The following TMEM232 variants were observed in gnomAD, a reference collection of about 807,000 sequenced individuals.
The protein encoded by TMEM232 is transmembrane protein 232.
A neutral mutation model predicts 78.8 loss-of-function variants in TMEM232; 80 were observed. That is an observed-to-expected ratio of 1.01 (90% CI 0.85 to 1.22). The LOEUF is 1.22. Ranked by LOEUF, TMEM232 falls within the 50% of genes most tolerant of loss-of-function variation. The pLI, the probability that TMEM232 is intolerant of heterozygous loss-of-function variation, is 0.00. For synonymous variants in TMEM232, 297 were observed against 254.3 expected, an observed-to-expected ratio of 1.17 and a Z score of -1.60; for missense variants, 881 against 742.2, an observed-to-expected ratio of 1.19 and a Z score of -2.17.
chr5:110,583,775 AACTC>A (rs1444185916), intron 10 of TMEM232, among the ~76,000 whole-genome samples: 3 of 151,760 alleles, frequency 2.0e-5, no homozygotes, highest in Non-Finnish European at 4.4e-5. Flanking sequence ...AAACTCTTAA[AACTC>A]AATAGTAAAA....
intron 12 of TMEM232, among the ~76,000 whole-genome samples, 195 bp downstream of exon 12, chr5:110,528,393 T>C (rs1166777868): frequency 6.6e-6 from 1 of 151,854 alleles, no homozygotes; most frequent in African/African-American, 2.4e-5. Flanking sequence ...ATAATACCTA[T>C]TATAAATATG....
chr5:110,684,688 T>C (rs936536615), intron 1 of TMEM232: 5 of 152,122 alleles, frequency 3.3e-5, no homozygotes, highest in African/African-American at 1.2e-4. Flanking sequence ...GCAATATAAT[T>C]ACTATGCTTG....
chr5:110,492,550 C>T (rs575113194), intron 12 of TMEM232, among the ~76,000 whole-genome samples: 50 of 151,884 alleles, frequency 3.3e-4, no homozygotes, highest in African/African-American at 1.1e-3. Flanking sequence ...TCACATCTAC[C>T]AAAATACTAC....
chr5:110,541,833 G>T (rs1561659084), intron 11 of TMEM232, among the ~76,000 whole-genome samples: 1 of 152,086 alleles, frequency 6.6e-6, no homozygotes, highest in Non-Finnish European at 1.5e-5. Flanking sequence ...AAAATACCTA[G>T]TTAACCTAGG....
At chr5:110,461,762 G>A (rs1167701829) in intron 12 of TMEM232, among the ~76,000 whole-genome samples, 2 of 152,136 alleles carry the variant, frequency 1.3e-5, no homozygotes, top group African/African-American at 4.8e-5. Context: ...TAGGGCCCTT[G>A]AGAATTATGC....
chr5:110,628,485 A>G (rs1024938285), intron 5 of TMEM232, among the ~76,000 whole-genome samples: 2 of 152,114 alleles, frequency 1.3e-5, no homozygotes, highest in Non-Finnish European at 2.9e-5. Flanking sequence ...TTACTTCTGT[A>G]AGATTAGTAA....
At chr5:110,643,482 A>C (rs1386403622) in intron 2 of TMEM232, among the ~76,000 whole-genome samples, 1 of 152,098 alleles carries the variant, frequency 6.6e-6, no homozygotes, top group Non-Finnish European at 1.5e-5. Flanking sequence ...ATAAGTTGAA[A>C]GTGTATGCAA....
At position 110,701,814 on chromosome 5, in the gene TMEM232, T is replaced by C. The variant is rs545042671; in HGVS notation, c.-13+24813A>G. Among the ~76,000 whole-genome samples, 45 of 152,164 alleles carry C rather than the reference T, an allele frequency of 3.0e-4. 1 individual carries two copies. The highest frequency in any genetic ancestry group is 7.9e-4 in the Admixed American group (12 of 15,232). On this transcript the variant is annotated intron_variant, in intron 1 of 13. Coordinates refer to ENST00000455884, the MANE Select transcript of TMEM232 (RefSeq NM_001039763.4). ...TAAGTATATGGATGATCCCTTGTTA[T>C]GCTCCACAAATCTGCTATATTGTAA...
At chr5:110,730,677 T>C (rs974213008), upstream of TMEM232, among the ~76,000 whole-genome samples, 30 of 152,180 alleles carry the variant, frequency 2.0e-4, no homozygotes, top group Non-Finnish European at 5.9e-5. Flanking sequence ...CCATTAGATC[T>C]TGTGAGACTT....
chr5:110,528,745 C>T lies in TMEM232; in HGVS notation c.1546G>A (p.Gly516Arg), dbSNP rs1003458642. ...VGEEVFSKYI[G>R]WRIANTLSKL... is the part of the protein sequence containing the mutation. ...GAAAGAGTGTTGGCAATTCTCCACC[C>T]AATATATTTGGAGAAAACTTCTTCT... The change falls in exon 12 of 14, where the codon GGG becomes AGG. Residue 516 changes from glycine (G) to arginine (R), a missense_variant. Gly to Arg is a moderately radical substitution (Grantham distance 125). Coordinates refer to ENST00000455884, the MANE Select transcript of TMEM232 (RefSeq NM_001039763.4). The T allele has an allele frequency of 6.5e-6, 10 of 1,532,808 alleles. No homozygotes were observed. In the African/African-American group the frequency reaches 1.4e-4, roughly 21 times the overall value. 95.0% of individuals were successfully genotyped at this position (1,532,808 alleles called of 1,614,324 possible). A position where few individuals can be genotyped will look rare whatever the true frequency, so the allele number is the denominator to read the frequency against.
rs1797094420 is a variant in TMEM232, at chr5:110,717,148, T to C, written c.-13+9479A>G. ...CCCTTTATATCCTCTCCTGGTCCTC[T>C]TGTAAAAAGTAACATTTTCAGTATT... On this transcript the variant is annotated intron_variant, in intron 1 of 13. Coordinates refer to ENST00000455884, the MANE Select transcript of TMEM232 (RefSeq NM_001039763.4). Among the ~76,000 whole-genome samples, 3 of 152,090 alleles carry C rather than the reference T, an allele frequency of 2.0e-5. No homozygotes were observed. The South Asian group carries it at 6.2e-4, about 32-fold the overall frequency.
At chr5:110,674,074 A>C in intron 1 of TMEM232, among the ~76,000 whole-genome samples, 1 of 151,450 alleles carries the variant, frequency 6.6e-6, no homozygotes. Flanking sequence ...GAGAAAATGT[A>C]AGCATTTAAT....
chr5:110,608,308 T>TG (rs1371415813), intron 8 of TMEM232, among the ~76,000 whole-genome samples: 1 of 151,954 alleles, frequency 6.6e-6, no homozygotes, highest in Non-Finnish European at 1.5e-5. Flanking sequence ...AAACATACTA[T>TG]TTCTTTGACA....
intron 1 of TMEM232, among the ~76,000 whole-genome samples, chr5:110,700,091 C>T (rs1795256962): frequency 6.6e-6 from 1 of 152,034 alleles, no homozygotes. Context: ...AAGCAGACAG[C>T]TGAAGACAGG....
intron 11 of TMEM232, among the ~76,000 whole-genome samples, chr5:110,539,608 T>C (rs112978274): frequency 0.041 from 6,237 of 152,250 alleles, 194 homozygotes; most frequent in Non-Finnish European, 0.058. Context: ...CAGTGCTCCC[T>C]CAAGGTTTTT....
chr5:110,546,108 T>A (rs1773748257), intron 11 of TMEM232, among the ~76,000 whole-genome samples: 1 of 152,106 alleles, frequency 6.6e-6, no homozygotes, highest in African/African-American at 2.4e-5. Flanking sequence ...ATTTCAAATA[T>A]GCTTATTAAA....
At chr5:110,591,155 G>T (rs1194363999) in intron 10 of TMEM232, among the ~76,000 whole-genome samples, 3 of 152,050 alleles carry the variant, frequency 2.0e-5, no homozygotes, top group Non-Finnish European at 2.9e-5. Context: ...TGTAAAAATG[G>T]TCCATAAGAA....
chr5:110,495,201 T>A (rs1434247865), intron 12 of TMEM232, among the ~76,000 whole-genome samples: 2 of 151,606 alleles, frequency 1.3e-5, no homozygotes, highest in Non-Finnish European at 2.9e-5. Flanking sequence ...AGGAGAGATC[T>A]GTGGTTTAAA....
At chr5:110,652,621 C>T (rs887186266) in intron 2 of TMEM232, among the ~76,000 whole-genome samples, 2 of 152,096 alleles carry the variant, frequency 1.3e-5, no homozygotes, top group African/African-American at 4.8e-5. Flanking sequence ...TGGTCTCCTA[C>T]AGATCATGTT....
Sources: gnomAD v4.1 joint callset for allele counts (sites outside exome capture counted in the v4.1 genomes callset) on GRCh38, gnomAD v4.1.1 for gene constraint, MANE v1.5 for transcripts, NCBI Gene and HGNC (gene_info 2026-07-23, HGNC 2026-07-21) for gene names.